Variants in CD302 observed in about 807,000 individuals in gnomAD.
The protein encoded by CD302 is CD302 molecule.
CD302 carries 23 observed loss-of-function variants against 26.5 expected under a neutral mutation model. The ratio of observed to expected loss-of-function variants is 0.87; its 90% CI spans 0.62 to 1.23. The LOEUF is 1.23. Ranked by LOEUF, CD302 falls within the 50% of genes most tolerant of loss-of-function variation. The probability of loss-of-function intolerance (pLI) is 0.00; values close to 1 mark genes in which losing one functional copy is unlikely to be tolerated. For synonymous variants in CD302, 90 were observed against 99.4 expected, an observed-to-expected ratio of 0.91 and a Z score of 0.56; for missense variants, 290 against 275.5, an observed-to-expected ratio of 1.05 and a Z score of -0.37.
Position 159,771,963 on chromosome 2 carries a change from T to C in CD302, c.587A>G (p.His196Arg), listed in dbSNP as rs1708160533. 3 of 1,614,046 alleles carry C rather than the reference T, an allele frequency of 1.9e-6. No homozygotes were observed. Among genetic ancestry groups the C allele is most frequent in the Non-Finnish European group, 2.5e-6 (3 of 1,179,942 alleles). The change falls in exon 6 of 6, where the codon CAT becomes CGT. Residue 196 changes from histidine to arginine, a missense_variant. Coordinates refer to ENST00000259053, the MANE Select transcript of CD302 (RefSeq NM_014880.5). ...GAIIWFLYKK[H>R]SDSRFTTVFS... is the part of the protein sequence containing the mutation. ...AACTGTGGTGAAACGAGAATCAGAA[T>C]GTTTTTTGTACAGGAACCAAATGAT...
At chr2:159,772,247 A>G (rs771644967) in intron 5 of CD302, among the ~76,000 whole-genome samples, 194 bp from the exon 6 acceptor site, 30 of 152,162 alleles carry the variant, frequency 2.0e-4, no homozygotes, top group Non-Finnish European at 3.1e-4. Flanking sequence ...ATAGTACTCA[A>G]ATTTTCTAGG....
chr2:159,772,139 T>A, intron 5 of CD302, 86 bp from the exon 6 acceptor site: 1 of 1,428,614 alleles, frequency 7.0e-7, no homozygotes, highest in Non-Finnish European at 9.5e-7. Flanking sequence ...TGTAGTTTTG[T>A]GTAAACATTT....
At chr2:159,774,356 G>A (rs1708247014) in intron 5 of CD302, among the ~76,000 whole-genome samples, 1 of 152,114 alleles carries the variant, frequency 6.6e-6, no homozygotes, top group African/African-American at 2.4e-5. Context: ...TATAAATTGT[G>A]AAGACTACAC....
At chr2:159,779,500 CAG>C (rs890265039) in intron 4 of CD302, among the ~76,000 whole-genome samples, 1 of 152,088 alleles carries the variant, frequency 6.6e-6, no homozygotes, top group African/African-American at 2.4e-5. Context: ...ACTAAGCAGA[CAG>C]AATAAAAGTA....
At chr2:159,796,776 A>T (rs1387697678) in intron 1 of CD302, among the ~76,000 whole-genome samples, 1 of 152,242 alleles carries the variant, frequency 6.6e-6, no homozygotes, top group African/African-American at 2.4e-5. Context: ...TGAAGAAGAG[A>T]CATACCAAAA....
chr2:159,777,684 T>C (rs913128099), intron 5 of CD302, among the ~76,000 whole-genome samples: 1 of 152,088 alleles, frequency 6.6e-6, no homozygotes, highest in African/African-American at 2.4e-5. Flanking sequence ...AGGGAAAAAA[T>C]TCAGTGAATG....
Position 159,786,031 on chromosome 2 carries a change from C to T in CD302, c.68-2562G>A, listed in dbSNP as rs77497427. Reference sequence around the variant, plus strand: ...TCAGGTAAGATACTGCAAACCTGCACAGCACAGTGTCTCGTACAAGGAAAG... The same window carrying T: ...TCAGGTAAGATACTGCAAACCTGCATAGCACAGTGTCTCGTACAAGGAAAG... On this transcript the variant is annotated intron_variant, in intron 1 of 5. Transcript: ENST00000259053. Among the ~76,000 whole-genome samples the T allele has an allele frequency of 1.1e-4, 17 of 152,312 alleles. No individual in the cohort carries two copies. The East Asian group carries it at 2.5e-3, about 22-fold the overall frequency.
At chr2:159,784,633 G>C (rs989654587) in intron 1 of CD302, among the ~76,000 whole-genome samples, 2 of 151,998 alleles carry the variant, frequency 1.3e-5, no homozygotes, top group African/African-American at 2.4e-5. Context: ...TGGAATAACA[G>C]GTGTGAGCCA....
chr2:159,789,952 T>A (rs1389158686), intron 1 of CD302, among the ~76,000 whole-genome samples: 2 of 149,812 alleles, frequency 1.3e-5, no homozygotes, highest in African/African-American at 2.5e-5. Context: ...GCAAATACGA[T>A]TCTTATGGAA....
chr2:159,790,591 A>G (rs1490313221), intron 1 of CD302, among the ~76,000 whole-genome samples: 1 of 152,182 alleles, frequency 6.6e-6, no homozygotes, highest in Non-Finnish European at 1.5e-5. Flanking sequence ...GAGGCTCTAA[A>G]TTGCAAATTT....
Position 159,781,062 on chromosome 2 carries a change from C to T in CD302, c.179-64G>A, listed in dbSNP as rs143065461. 7,546 of 1,304,926 alleles carry T rather than the reference C, an allele frequency of 5.8e-3. 23 individuals are homozygous for T. Among genetic ancestry groups the T allele is most frequent in the Non-Finnish European group, 7.1e-3 (6,647 of 938,374 alleles). 80.8% of individuals were successfully genotyped at this position (1,304,926 alleles called of 1,614,324 possible). ...CAGAATCAGTGAAAATCACTAGGTA[C>T]ATAAAAATAATAAATAGTTGCTTAA... On this transcript the variant is annotated intron_variant, in intron 2 of 5. Transcript: ENST00000259053.
chr2:159,778,706 A>T (rs1418250484), intron 4 of CD302, among the ~76,000 whole-genome samples: 1 of 152,168 alleles, frequency 6.6e-6, no homozygotes, highest in Non-Finnish European at 1.5e-5. Flanking sequence ...TAAAAAAACT[A>T]AAAACTTTTT....
rs1560044237 is a variant in CD302, at chr2:159,780,080, G to A, written c.394C>T (p.His132Tyr). The change falls in exon 4 of 6, where the codon CAC (histidine) becomes TAC (tyrosine). Residue 132 changes from histidine (H) to tyrosine (Y), a missense_variant. Physicochemically the swap from His to Tyr is moderately conservative, Grantham distance 83. Coordinates refer to ENST00000259053, the MANE Select transcript of CD302 (RefSeq NM_014880.5). The part of the protein sequence containing the change: ...EDLVDTCAFL[H>Y]IKTGEWKKGN... Reference sequence around the variant, plus strand: ...TTTTTCCATTCACCTGTCTTGATGTGCAGAAAAGCACAGGTGTCAACTAAA... The same window carrying A: ...TTTTTCCATTCACCTGTCTTGATGTACAGAAAAGCACAGGTGTCAACTAAA... 6.2e-7 allele frequency: 1 copy of A among 1,614,118 alleles called. No homozygotes were observed. The highest frequency in any genetic ancestry group is 2.2e-5 in the East Asian group (1 of 44,882).
At chr2:159,774,490 G>A (rs1468914050) in intron 5 of CD302, among the ~76,000 whole-genome samples, 1 of 152,132 alleles carries the variant, frequency 6.6e-6, no homozygotes, top group East Asian at 1.9e-4. Context: ...CATTTTGTTA[G>A]GCTGTAGCCT....
intron 2 of CD302, chr2:159,781,625 G>A (rs1420653369): frequency 1.3e-5 from 2 of 149,254 alleles, no homozygotes; most frequent in Non-Finnish European, 3.0e-5. Flanking sequence ...AGAGGAAGAA[G>A]AAAAAGGAAG....
chr2:159,775,609 G>A (rs1034316877), intron 5 of CD302, among the ~76,000 whole-genome samples: 5 of 152,056 alleles, frequency 3.3e-5, no homozygotes, highest in Non-Finnish European at 7.4e-5. Flanking sequence ...ACATGCTTCC[G>A]CTGCTTGATT....
At chr2:159,797,560 A>C (rs1003500455) in intron 1 of CD302, among the ~76,000 whole-genome samples, 3 of 152,222 alleles carry the variant, frequency 2.0e-5, no homozygotes, top group African/African-American at 7.2e-5. Context: ...GTGAAATCCA[A>C]GCTTTGCCTA....
chr2:159,774,082 C>T (rs371705217), intron 5 of CD302, among the ~76,000 whole-genome samples: 2 of 134,188 alleles, frequency 1.5e-5, no homozygotes, highest in Non-Finnish European at 3.5e-5. Flanking sequence ...CCTGGGGCAA[C>T]TAGATTGTTA....
intron 4 of CD302, 24 bp downstream of exon 4, chr2:159,779,981 A>G (rs56329454): frequency 0.036 from 57,969 of 1,598,040 alleles, 1,282 homozygotes; most frequent in Non-Finnish European, 0.043. Flanking sequence ...TCTAGAATGG[A>G]AAAACACCTT....
Sources: gnomAD v4.1 joint callset for allele counts (sites outside exome capture counted in the v4.1 genomes callset) on GRCh38, gnomAD v4.1.1 for gene constraint, MANE v1.5 for transcripts, NCBI Gene and HGNC (gene_info 2026-07-23, HGNC 2026-07-21) for gene names.